GABPB1: variants seen among roughly 807,000 people sequenced by gnomAD.
GABPB1 encodes GA-binding protein subunit beta-1.
Under a neutral mutation model 45.9 loss-of-function variants are expected in GABPB1, and 15 were observed. That is an observed-to-expected ratio of 0.33 (90% CI 0.22 to 0.50). The LOEUF is 0.50. GABPB1 is among the 20% of genes least tolerant of loss of function. GABPB1 has a pLI of 0.98. For missense variants in GABPB1, 252 were observed against 457.5 expected (o/e 0.55, Z 4.10); for synonymous variants, 143 against 154.4 (o/e 0.93, Z 0.55).
intron 1 of GABPB1, among the ~76,000 whole-genome samples, chr15:50,326,784 T>C (rs886218814): frequency 1.3e-5 from 2 of 151,464 alleles, no homozygotes; most frequent in Non-Finnish European, 2.9e-5. Context: ...CACTGAGCCA[T>C]GATCACACTC....
At chr15:50,339,293 G>A (rs947175117) in intron 1 of GABPB1, among the ~76,000 whole-genome samples, 2 of 152,044 alleles carry the variant, frequency 1.3e-5, no homozygotes, top group African/African-American at 4.8e-5. Context: ...ACTCCAGTCT[G>A]GGCAACAAAG....
At chr15:50,279,309 C>T (rs1333635470) in intron 8 of GABPB1, among the ~76,000 whole-genome samples, 1 of 152,116 alleles carries the variant, frequency 6.6e-6, no homozygotes, top group Non-Finnish European at 1.5e-5. Flanking sequence ...CCCAAGGTCA[C>T]ATAGTAAGAA....
At chr15:50,325,851 A>G (rs571442180) in intron 1 of GABPB1, among the ~76,000 whole-genome samples, 3 of 151,922 alleles carry the variant, frequency 2.0e-5, no homozygotes, top group Non-Finnish European at 4.4e-5. Context: ...TCTTGAAGCC[A>G]CTAACTTCAG....
At chr15:50,285,961 T>C in intron 8 of GABPB1, 107 bp downstream of exon 8, 2 of 1,489,344 alleles carry the variant, frequency 1.3e-6, no homozygotes, top group Non-Finnish European at 1.8e-6. Flanking sequence ...CTACGCACTT[T>C]CATTCTGTAT....
At chr15:50,348,553 T>G (rs1254785736) in intron 1 of GABPB1, among the ~76,000 whole-genome samples, 2 of 147,146 alleles carry the variant, frequency 1.4e-5, no homozygotes, top group Admixed American at 6.8e-5. Context: ...GCCCGGCCAT[T>G]TTTTTTTTTT....
intron 1 of GABPB1, among the ~76,000 whole-genome samples, chr15:50,323,541 T>C (rs1477945742): frequency 6.6e-6 from 1 of 151,986 alleles, no homozygotes; most frequent in East Asian, 1.9e-4. Context: ...AAAATGAGAG[T>C]AATAGCACAA....
intron 6 of GABPB1, among the ~76,000 whole-genome samples, chr15:50,297,810 G>A (rs552326178): frequency 6.6e-6 from 1 of 152,298 alleles, no homozygotes; most frequent in African/African-American, 2.4e-5. Flanking sequence ...ACTCCAGCCT[G>A]GGGTGACAGA....
At chr15:50,353,524 G>C (rs1325759474) in intron 1 of GABPB1, 1 of 151,774 alleles carries the variant, frequency 6.6e-6, no homozygotes, top group Non-Finnish European at 1.5e-5. Flanking sequence ...AAAAATGCAA[G>C]ATGTCACTCT....
chr15:50,345,883 T>C (rs2048557705), intron 1 of GABPB1, among the ~76,000 whole-genome samples: 1 of 152,002 alleles, frequency 6.6e-6, no homozygotes, highest in Admixed American at 6.6e-5. Flanking sequence ...AGCTAATTTT[T>C]TTTATTTTTA....
chr15:50,335,915 A>AAAAAAAAAAAG (rs747229560), intron 1 of GABPB1, among the ~76,000 whole-genome samples: 3 of 104,486 alleles, frequency 2.9e-5, no homozygotes, highest in African/African-American at 1.2e-4. Flanking sequence ...AAAAAAAAAA[A>AAAAAAAAAAAG]AAGAAGACTG....
chr15:50,338,878 T>G (rs2048241384), intron 1 of GABPB1, among the ~76,000 whole-genome samples: 1 of 152,244 alleles, frequency 6.6e-6, no homozygotes, highest in Non-Finnish European at 1.5e-5. Flanking sequence ...TGTCATTAAA[T>G]TGGAACCATA....
At chr15:50,306,100 G>A (rs1183100904) in intron 2 of GABPB1, among the ~76,000 whole-genome samples, 1 of 152,018 alleles carries the variant, frequency 6.6e-6, no homozygotes, top group Non-Finnish European at 1.5e-5. Context: ...TCAGCCTCCA[G>A]AGTAGCTAGG....
intron 1 of GABPB1, among the ~76,000 whole-genome samples, chr15:50,335,915 A>AAT: frequency 9.6e-6 from 1 of 104,490 alleles, no homozygotes; most frequent in African/African-American, 4.1e-5. Flanking sequence ...AAAAAAAAAA[A>AAT]AAGAAGACTG....
intron 6 of GABPB1, among the ~76,000 whole-genome samples, chr15:50,298,165 C>T (rs1433356733): frequency 6.6e-6 from 1 of 152,158 alleles, no homozygotes; most frequent in East Asian, 1.9e-4. Flanking sequence ...GATCACAGCT[C>T]ACTGCTACCT....
intron 1 of GABPB1, chr15:50,352,001 C>T (rs1467812375): frequency 1.3e-5 from 2 of 152,164 alleles, no homozygotes; most frequent in Non-Finnish European, 2.9e-5. Context: ...AACTAAGTTG[C>T]TCTCAACTTC....
chr15:50,335,465 C>T (rs1170230241), intron 1 of GABPB1, among the ~76,000 whole-genome samples: 1 of 152,152 alleles, frequency 6.6e-6, no homozygotes, highest in Non-Finnish European at 1.5e-5. Flanking sequence ...GGCTTCAGTT[C>T]GCCAGATAGT....
intron 6 of GABPB1, among the ~76,000 whole-genome samples, chr15:50,292,009 T>A (rs1362776065): frequency 6.6e-6 from 1 of 151,140 alleles, no homozygotes; most frequent in East Asian, 2.0e-4. Flanking sequence ...TAGAAAGACA[T>A]CTAGTTAACA....
At chr15:50,349,488 A>G (rs1011803118) in intron 1 of GABPB1, 1 of 152,232 alleles carries the variant, frequency 6.6e-6, no homozygotes, top group African/African-American at 2.4e-5. Context: ...CCACGGAGAG[A>G]TTAAGTAAAC....
intron 7 of GABPB1, among the ~76,000 whole-genome samples, chr15:50,286,894 G>A (rs1446870913): frequency 2.6e-5 from 4 of 152,058 alleles, no homozygotes; most frequent in Non-Finnish European, 4.4e-5. Context: ...GAAACCATGC[G>A]AAGCCATTTT....
Sources: gnomAD v4.1 joint callset for allele counts (sites outside exome capture counted in the v4.1 genomes callset) on GRCh38, gnomAD v4.1.1 for gene constraint, MANE v1.5 for transcripts, NCBI Gene and HGNC (gene_info 2026-07-23, HGNC 2026-07-21) for gene names.